Variants in DNAJB6 observed in about 807,000 individuals in gnomAD.
The protein encoded by DNAJB6 is dnaJ homolog subfamily B member 6.
Under a neutral mutation model 42.7 loss-of-function variants are expected in DNAJB6, and 16 were observed. That is an observed-to-expected ratio of 0.37 (90% CI 0.25 to 0.57). DNAJB6 has a LOEUF of 0.57. Ranked by LOEUF, DNAJB6 falls within the 20% of genes least tolerant of loss-of-function variation. DNAJB6 has a pLI of 0.74. For synonymous variants in DNAJB6, 170 were observed against 163.5 expected, an observed-to-expected ratio of 1.04 and a Z score of -0.30; for missense variants, 347 against 416.8, an observed-to-expected ratio of 0.83 and a Z score of 1.46.
intron 1 of DNAJB6, among the ~76,000 whole-genome samples, chr7:157,338,652 A>C (rs1798178099): frequency 6.6e-6 from 1 of 151,418 alleles, no homozygotes; most frequent in Admixed American, 6.6e-5. Context: ...ACTTGTTTCC[A>C]CTCCTGAGGG....
At chr7:157,358,309 G>A (rs1273764372) in intron 1 of DNAJB6, among the ~76,000 whole-genome samples, 3 of 152,152 alleles carry the variant, frequency 2.0e-5, no homozygotes, top group Non-Finnish European at 2.9e-5. Context: ...CTATTATTAG[G>A]CTATTTCAGA....
intron 5 of DNAJB6, chr7:157,381,172 G>C (rs1800745996): frequency 6.6e-6 from 1 of 151,966 alleles, no homozygotes; most frequent in African/African-American, 2.4e-5. Flanking sequence ...AGTGCTTGCT[G>C]TTGTATCCTT....
intron 1 of DNAJB6, among the ~76,000 whole-genome samples, chr7:157,353,145 C>G (rs1428332320): frequency 6.6e-6 from 1 of 151,480 alleles, no homozygotes; most frequent in Non-Finnish European, 1.5e-5. Context: ...CAAGGCTGGT[C>G]TTGAACTGCT....
chr7:157,416,279 C>T lies in DNAJB6; in HGVS notation c.*181C>T, dbSNP rs764284901. 15 of 906,474 alleles carry T rather than the reference C, an allele frequency of 1.7e-5. No individual in the cohort carries two copies. The highest frequency in any genetic ancestry group is 2.7e-5 in the East Asian group (1 of 36,878). 56.2% of individuals were successfully genotyped at this position (906,474 alleles called of 1,614,324 possible). A position where few individuals can be genotyped will look rare whatever the true frequency, so the allele number is the denominator to read the frequency against. On this transcript the variant is annotated 3_prime_UTR_variant, in exon 10 of 10. Coordinates refer to ENST00000262177, the MANE Select transcript of DNAJB6 (RefSeq NM_058246.4). ...GGGTCAGGAGACGGGGCTGACGGCA[C>T]GGGTGGCGGGGACAGACGTTTGGGA...
At chr7:157,373,584 C>T (rs1428683881) in intron 5 of DNAJB6, among the ~76,000 whole-genome samples, 1 of 152,194 alleles carries the variant, frequency 6.6e-6, no homozygotes, top group African/African-American at 2.4e-5. Context: ...CTTCTGACCT[C>T]AGGTCATCTG....
chr7:157,366,564 A>G lies in DNAJB6; in HGVS notation c.235+3A>G, dbSNP rs1799855354. ...AGGATTAAATGGTGGAGGAGGAGGT[A>G]AGTACGTGAGTTTTTTCTTTGAAGA... On this transcript the variant is annotated splice_donor_region_variant and intron_variant, in intron 4 of 9. Transcript: ENST00000262177. 2 of 1,613,736 alleles carry G rather than the reference A, an allele frequency of 1.2e-6. No individual in the cohort carries two copies. The highest frequency in any genetic ancestry group is 1.7e-6 in the Non-Finnish European group (2 of 1,179,760).
intron 7 of DNAJB6, 145 bp from the exon 8 acceptor site, chr7:157,385,396 A>G (rs1801002387): frequency 3.7e-6 from 3 of 811,158 alleles, no homozygotes; most frequent in Non-Finnish European, 6.0e-6. Context: ...TGTGTTGTTG[A>G]CAGGTTGGCT....
intron 5 of DNAJB6, chr7:157,380,195 T>C (rs142570858): frequency 6.6e-6 from 1 of 152,226 alleles, no homozygotes; most frequent in Non-Finnish European, 1.5e-5. Context: ...TTGTAATGTT[T>C]GTTTCTTTAC....
intron 1 of DNAJB6, among the ~76,000 whole-genome samples, chr7:157,344,652 T>A (rs1798593425): frequency 6.6e-6 from 1 of 152,226 alleles, no homozygotes; most frequent in African/African-American, 2.4e-5. Context: ...TCTTGCTCCG[T>A]TACGTAGGCT....
chr7:157,389,313 C>T lies in DNAJB6; in HGVS notation c.691+3702C>T, dbSNP rs369881656. On this transcript the variant is annotated intron_variant, in intron 8 of 9. Transcript: ENST00000262177. ...ACATTTTTATTTGCAGAGGATTCAA[C>T]GGTAATAAATAATTGGCATATTATC... 8.8e-4 allele frequency among the ~76,000 whole-genome samples: 134 copies of T among 152,246 alleles called. 2 individuals carry two copies. The highest frequency in any genetic ancestry group is 4.4e-3 in the Admixed American group (67 of 15,296).
At position 157,416,102 on chromosome 7, in the gene DNAJB6, G is replaced by A. The variant is rs538057079; in HGVS notation, c.*4G>A. The A allele has an allele frequency of 2.5e-6, 4 of 1,612,846 alleles. No individual in the cohort carries two copies. The highest frequency in any genetic ancestry group is 2.7e-5 in the African/African-American group (2 of 75,036). On this transcript the variant is annotated 3_prime_UTR_variant, in exon 10 of 10. Coordinates refer to ENST00000262177, the MANE Select transcript of DNAJB6 (RefSeq NM_058246.4). ...GTCGACCAAAGGCAATCACTAGACCGGACTTGAGGCACGCGGTGCACCCCC... is the reference window on the plus strand; with the variant it reads ...GTCGACCAAAGGCAATCACTAGACCAGACTTGAGGCACGCGGTGCACCCCC...
At chr7:157,351,634 A>AC in intron 1 of DNAJB6, among the ~76,000 whole-genome samples, 1 of 99,422 alleles carries the variant, frequency 1.0e-5, no homozygotes, top group East Asian at 5.5e-4. Context: ...CTCTGTCTCA[A>AC]AACAACAACA....
Position 157,416,655 on chromosome 7 carries a change from CTTCT to C in DNAJB6, c.*558_*561del, listed in dbSNP as rs747903215. 4.6e-5 allele frequency: 7 copies of C among 152,284 alleles called. No individual in the cohort carries two copies. Among genetic ancestry groups the C allele is most frequent in the Non-Finnish European group, 1.0e-4 (7 of 68,094 alleles). The allele number at this position is 152,284 out of a possible 1,614,324, so 9.4% of individuals were successfully genotyped here. The stretch of plus-strand genomic sequence containing the variant: ...AATCACATCAGATGTAAAATCATTC[CTTCT>C]GTTTACTCTTTTAATTTTCATCCTT... On this transcript the variant is annotated 3_prime_UTR_variant, in exon 10 of 10. Transcript: ENST00000262177.
intron 6 of DNAJB6, among the ~76,000 whole-genome samples, chr7:157,383,231 C>T (rs1441114910): frequency 1.3e-5 from 2 of 152,134 alleles, no homozygotes; most frequent in African/African-American, 4.8e-5. Flanking sequence ...TGGTGTTGAA[C>T]TGACCTCGGG....
intron 1 of DNAJB6, among the ~76,000 whole-genome samples, chr7:157,342,698 C>T (rs1798466083): frequency 6.6e-6 from 1 of 152,124 alleles, no homozygotes; most frequent in African/African-American, 2.4e-5. Context: ...CTCAATCCAC[C>T]TTCCTCGACC....
At chr7:157,355,381 T>G (rs1038112492) in intron 1 of DNAJB6, among the ~76,000 whole-genome samples, 65 of 152,272 alleles carry the variant, frequency 4.3e-4, no homozygotes, top group Non-Finnish European at 8.8e-5. Context: ...AGGATGGTCT[T>G]GATCTCCTGA....
chr7:157,353,095 T>TTTAGA (rs1193503682), intron 1 of DNAJB6, among the ~76,000 whole-genome samples: 1 of 151,792 alleles, frequency 6.6e-6, no homozygotes. Flanking sequence ...TTTTTTTAAT[T>TTTAGA]TTTAAAATTT....
chr7:157,410,202 C>T, intron 9 of DNAJB6: 2 of 1,313,648 alleles, frequency 1.5e-6, no homozygotes, highest in Non-Finnish European at 2.0e-6. Context: ...CTCCGGGCCC[C>T]CCACCGTTAA....
intron 8 of DNAJB6, among the ~76,000 whole-genome samples, chr7:157,389,431 G>A (rs1801233512): frequency 6.6e-6 from 1 of 152,182 alleles, no homozygotes; most frequent in African/African-American, 2.4e-5. Flanking sequence ...AGGTTTTCAA[G>A]CACAAAATTA....
Sources: gnomAD v4.1 joint callset for allele counts (sites outside exome capture counted in the v4.1 genomes callset) on GRCh38, gnomAD v4.1.1 for gene constraint, MANE v1.5 for transcripts, NCBI Gene and HGNC (gene_info 2026-07-23, HGNC 2026-07-21) for gene names.